PLA2G4A: variants seen among roughly 807,000 people sequenced by gnomAD.
PLA2G4A encodes the protein cytosolic phospholipase A2.
In PLA2G4A, 40 loss-of-function variants were observed where a neutral mutation model predicts 81.9. The ratio of observed to expected loss-of-function variants is 0.49; its 90% confidence interval spans 0.38 to 0.64. The LOEUF is 0.64. PLA2G4A is among the 30% of genes least tolerant of loss of function. PLA2G4A has a pLI of 0.00. For synonymous variants in PLA2G4A, 302 were observed against 296.9 expected (o/e 1.02, Z -0.18); for missense variants, 715 against 905.1 (o/e 0.79, Z 2.69).
At chr1:186,911,204 C>T (rs752574933) in intron 6 of PLA2G4A, 44 bp from the exon 7 acceptor site, 10 of 1,587,156 alleles carry the variant, frequency 6.3e-6, no homozygotes, top group Middle Eastern at 3.3e-4. Flanking sequence ...AAAACCAGAC[C>T]ACTGGGAGCA....
chr1:186,936,861 A>C (rs908124906), intron 8 of PLA2G4A, among the ~76,000 whole-genome samples: 4 of 152,054 alleles, frequency 2.6e-5, no homozygotes, highest in South Asian at 2.1e-4. Flanking sequence ...TTTTATATAA[A>C]TAAACCTAAG....
At chr1:186,983,814 T>C (rs1275211707) in intron 17 of PLA2G4A, among the ~76,000 whole-genome samples, 1 of 152,204 alleles carries the variant, frequency 6.6e-6, no homozygotes, top group Non-Finnish European at 1.5e-5. Context: ...ATTCAAATCC[T>C]TGCTCTGCGG....
chr1:186,965,677 T>G (rs1657104403), intron 15 of PLA2G4A, 84 bp downstream of exon 15: 6 of 930,008 alleles, frequency 6.5e-6, no homozygotes, highest in Admixed American at 1.7e-5. Context: ...TGACTCCAGT[T>G]TCTTATTCCT....
intron 8 of PLA2G4A, among the ~76,000 whole-genome samples, chr1:186,934,264 TCA>T (rs1313305513): frequency 1.3e-5 from 2 of 152,072 alleles, no homozygotes; most frequent in East Asian, 3.9e-4. Flanking sequence ...TTTCTTAAAC[TCA>T]TCTAATAAAG....
At chr1:186,891,159 A>G (rs1475620379) in intron 3 of PLA2G4A, among the ~76,000 whole-genome samples, 1 of 151,548 alleles carries the variant, frequency 6.6e-6, no homozygotes, top group African/African-American at 2.4e-5. Context: ...TTTTACTTTT[A>G]CTTTTTAATT....
At chr1:186,851,764 T>A (rs1652381225) in intron 1 of PLA2G4A, among the ~76,000 whole-genome samples, 1 of 152,062 alleles carries the variant, frequency 6.6e-6, no homozygotes, top group African/African-American at 2.4e-5. Flanking sequence ...TTTATAATGT[T>A]ATCCAATAAA....
At chr1:186,896,870 T>C (rs1051847152) in intron 5 of PLA2G4A, among the ~76,000 whole-genome samples, 1 of 152,150 alleles carries the variant, frequency 6.6e-6, no homozygotes, top group Admixed American at 6.5e-5. Context: ...GTAAGCATGA[T>C]GGCTAAGGGG....
At chr1:186,930,196 A>G (rs903366857) in intron 7 of PLA2G4A, among the ~76,000 whole-genome samples, 1 of 152,220 alleles carries the variant, frequency 6.6e-6, no homozygotes, top group African/African-American at 2.4e-5. Flanking sequence ...AATGAAGGTA[A>G]TTATAATCTG....
chr1:186,897,601 C>G (rs1289460986), intron 5 of PLA2G4A, among the ~76,000 whole-genome samples: 2 of 152,128 alleles, frequency 1.3e-5, no homozygotes, highest in African/African-American at 4.8e-5. Flanking sequence ...TTCTGCCTCC[C>G]AAGTTCAAGC....
chr1:186,957,601 G>A (rs141422200), intron 14 of PLA2G4A, among the ~76,000 whole-genome samples: 124 of 152,264 alleles, frequency 8.1e-4, no homozygotes, highest in Non-Finnish European at 1.6e-3. Context: ...GTGCAACATA[G>A]GGCTTGAGTA....
chr1:186,871,856 G>A (rs12720515), intron 3 of PLA2G4A, among the ~76,000 whole-genome samples: 1 of 152,052 alleles, frequency 6.6e-6, no homozygotes, highest in African/African-American at 2.4e-5. Context: ...GTGGAAAATA[G>A]GTTTTTCTTT....
At chr1:186,935,120 G>T (rs1017388863) in intron 8 of PLA2G4A, among the ~76,000 whole-genome samples, 1 of 151,998 alleles carries the variant, frequency 6.6e-6, no homozygotes, top group Non-Finnish European at 1.5e-5. Context: ...AGGGAAGGAT[G>T]CTTCAAGAAG....
intron 8 of PLA2G4A, among the ~76,000 whole-genome samples, chr1:186,935,566 G>T (rs560815704): frequency 1.3e-5 from 2 of 151,962 alleles, no homozygotes; most frequent in South Asian, 4.2e-4. Context: ...AAAGACTCCT[G>T]CAGAGACAGG....
rs190216247 is a variant in PLA2G4A, at chr1:186,890,159, G to A, written c.116-2852G>A. On this transcript the variant is annotated intron_variant, in intron 3 of 17. Coordinates refer to ENST00000367466, the MANE Select transcript of PLA2G4A (RefSeq NM_024420.3). ...GTTTTTGTTATTAATTATAATGGCC[G>A]CATGGAAAAGCACCTGTTAAACGGG... Among the ~76,000 whole-genome samples, 32 of 152,246 alleles carry A rather than the reference G, an allele frequency of 2.1e-4. 1 individual carries two copies. In the East Asian group the frequency reaches 4.0e-3, roughly 19 times the overall value.
At chr1:186,883,751 G>A (rs1258106814) in intron 3 of PLA2G4A, among the ~76,000 whole-genome samples, 1 of 152,114 alleles carries the variant, frequency 6.6e-6, no homozygotes, top group Non-Finnish European at 1.5e-5. Flanking sequence ...CACCAAGGAT[G>A]TTGCATATGT....
At chr1:186,974,058 A>ATG (rs1306757315) in intron 15 of PLA2G4A, among the ~76,000 whole-genome samples, 2 of 151,424 alleles carry the variant, frequency 1.3e-5, no homozygotes, top group African/African-American at 4.8e-5. Context: ...GTATATATGT[A>ATG]TGTGTGTTCG....
chr1:186,836,373 G>C (rs1430465316), intron 1 of PLA2G4A, among the ~76,000 whole-genome samples: 1 of 151,472 alleles, frequency 6.6e-6, no homozygotes, highest in African/African-American at 2.4e-5. Flanking sequence ...GTCAATCTAA[G>C]ATGTAATTTA....
chr1:186,977,845 G>C, intron 16 of PLA2G4A, 57 bp downstream of exon 16: 1 of 1,099,306 alleles, frequency 9.1e-7, no homozygotes, highest in South Asian at 1.2e-5. Flanking sequence ...GGACGAAACT[G>C]ACATTAAACT....
chr1:186,985,789 G>C (rs1002277708), intron 17 of PLA2G4A, among the ~76,000 whole-genome samples: 7 of 152,120 alleles, frequency 4.6e-5, no homozygotes, highest in Admixed American at 4.6e-4. Context: ...CTTTTGCTGG[G>C]ATAACACTGA....
Sources: allele counts gnomAD v4.1 joint callset (sites outside exome capture counted in the v4.1 genomes callset), GRCh38; gene constraint gnomAD v4.1.1; transcripts MANE v1.5; gene names NCBI Gene and HGNC (gene_info 2026-07-23, HGNC 2026-07-21).